The following RGS20 variants were observed in gnomAD, a reference collection of about 807,000 sequenced individuals.
RGS20 encodes the protein gz-selective GTPase-activating protein.
RGS20 carries 30 observed loss-of-function variants against 33.6 expected under a neutral mutation model. The ratio of observed to expected loss-of-function variants is 0.89; its 90% CI spans 0.67 to 1.21. RGS20 has a LOEUF of 1.21. RGS20 is among the 50% of genes most tolerant of loss of function. RGS20 has a pLI of 0.00. For missense variants in RGS20, 472 were observed against 502.4 expected, an observed-to-expected ratio of 0.94 and a Z score of 0.58; for synonymous variants, 208 against 197.9, an observed-to-expected ratio of 1.05 and a Z score of -0.43.
chr8:53,951,703 A>C, intron 4 of RGS20, among the ~76,000 whole-genome samples: 1 of 152,086 alleles, frequency 6.6e-6, no homozygotes, highest in East Asian at 1.9e-4. Flanking sequence ...ACACCAATAT[A>C]ATTCAAATAG....
chr8:53,928,464 A>C (rs1207246167), intron 2 of RGS20, among the ~76,000 whole-genome samples: 1 of 152,184 alleles, frequency 6.6e-6, no homozygotes, highest in Non-Finnish European at 1.5e-5. Flanking sequence ...AAAATGTCAA[A>C]ATTATAGTTC....
At chr8:53,922,100 A>G (rs1319056497) in intron 2 of RGS20, among the ~76,000 whole-genome samples, 1 of 151,934 alleles carries the variant, frequency 6.6e-6, no homozygotes, top group African/African-American at 2.4e-5. Flanking sequence ...AAAGCAAGGT[A>G]TTGAACTTTA....
intron 1 of RGS20, among the ~76,000 whole-genome samples, chr8:53,874,370 GT>G (rs1244190180): frequency 6.3e-5 from 5 of 78,892 alleles, no homozygotes; most frequent in African/African-American, 3.1e-4. Flanking sequence ...AATAAGGGGT[GT>G]GTGTGTGTGT....
intron 2 of RGS20, among the ~76,000 whole-genome samples, chr8:53,925,984 G>T (rs568277161): frequency 6.6e-6 from 1 of 152,138 alleles, no homozygotes; most frequent in Admixed American, 6.5e-5. Context: ...ACTTCGGAAG[G>T]CTGAGGCAGG....
At chr8:53,931,932 C>G (rs1413339568) in intron 2 of RGS20, among the ~76,000 whole-genome samples, 2 of 152,170 alleles carry the variant, frequency 1.3e-5, no homozygotes, top group Non-Finnish European at 2.9e-5. Flanking sequence ...CCTCTGATGC[C>G]TACACCACTA....
chr8:53,924,388 A>T (rs1813736723), intron 2 of RGS20, among the ~76,000 whole-genome samples: 1 of 152,016 alleles, frequency 6.6e-6, no homozygotes, highest in African/African-American at 2.4e-5. Flanking sequence ...GGGTTTCACC[A>T]TGTTGGCCAG....
chr8:53,954,493 G>A lies in RGS20; in HGVS notation c.978+183G>A, dbSNP rs542871367. On this transcript the variant is annotated intron_variant, in intron 5 of 5. Coordinates refer to ENST00000297313, the MANE Select transcript of RGS20 (RefSeq NM_170587.4). Reference sequence around the variant, plus strand: ...AGCCTGACCAACATGGTGAAACCCCGTCTCTACTAAAAATACAAAAATTAG... The same window carrying A: ...AGCCTGACCAACATGGTGAAACCCCATCTCTACTAAAAATACAAAAATTAG... 5.3e-5 allele frequency among the ~76,000 whole-genome samples: 8 copies of A among 151,536 alleles called. 1 individual carries two copies. Among genetic ancestry groups the A allele is most frequent in the African/African-American group, 1.4e-4 (6 of 41,396 alleles).
intron 2 of RGS20, among the ~76,000 whole-genome samples, chr8:53,938,740 C>T (rs544612745): frequency 1.1e-4 from 16 of 152,150 alleles, no homozygotes; most frequent in Non-Finnish European, 2.1e-4. Context: ...TAGTATCCAA[C>T]GTAAAATGGG....
At chr8:53,904,893 A>G (rs1475397699) in intron 2 of RGS20, among the ~76,000 whole-genome samples, 1 of 152,222 alleles carries the variant, frequency 6.6e-6, no homozygotes, top group Non-Finnish European at 1.5e-5. Flanking sequence ...AATACTTCCC[A>G]AAAGGCCATT....
chr8:53,885,661 G>T (rs1160392860), intron 2 of RGS20, among the ~76,000 whole-genome samples: 3 of 152,044 alleles, frequency 2.0e-5, no homozygotes, highest in Non-Finnish European at 4.4e-5. Flanking sequence ...TGAACATCTG[G>T]TCTTACAAAG....
intron 2 of RGS20, chr8:53,913,618 G>C (rs1459609003): frequency 6.6e-6 from 1 of 152,246 alleles, no homozygotes; most frequent in African/African-American, 2.4e-5. Context: ...AAAGACCCAG[G>C]CAGTCATAGA....
intron 2 of RGS20, among the ~76,000 whole-genome samples, chr8:53,919,546 A>T (rs1813587114): frequency 6.7e-6 from 1 of 149,812 alleles, no homozygotes; most frequent in African/African-American, 2.5e-5. Context: ...GGGTTTCACC[A>T]TGTTGATCAT....
At chr8:53,919,060 A>G (rs1813574033) in intron 2 of RGS20, among the ~76,000 whole-genome samples, 1 of 152,206 alleles carries the variant, frequency 6.6e-6, no homozygotes, top group Non-Finnish European at 1.5e-5. Flanking sequence ...ATTTCTTCAC[A>G]TCCTAACACT....
intron 2 of RGS20, among the ~76,000 whole-genome samples, chr8:53,925,660 G>A (rs562543729): frequency 2.2e-4 from 34 of 151,924 alleles, no homozygotes; most frequent in Admixed American, 7.9e-4. Flanking sequence ...ACTTGAATCC[G>A]GGAGGTGGAG....
intron 2 of RGS20, among the ~76,000 whole-genome samples, chr8:53,937,310 T>C (rs1651369624): frequency 6.6e-6 from 1 of 151,200 alleles, no homozygotes; most frequent in East Asian, 1.9e-4. Flanking sequence ...AATAAATAAA[T>C]AAACATAAAA....
chr8:53,882,261 C>G (rs1212959206), intron 2 of RGS20, among the ~76,000 whole-genome samples: 1 of 152,166 alleles, frequency 6.6e-6, no homozygotes, highest in Non-Finnish European at 1.5e-5. Flanking sequence ...ACCCCATCTC[C>G]CTCCACGCTT....
intron 2 of RGS20, among the ~76,000 whole-genome samples, chr8:53,918,895 T>G (rs1219281517): frequency 6.6e-6 from 1 of 152,260 alleles, no homozygotes; most frequent in African/African-American, 2.4e-5. Flanking sequence ...CAAGTTTTTG[T>G]GTGGACATGT....
At chr8:53,878,993 G>A (rs1025214585) in intron 1 of RGS20, among the ~76,000 whole-genome samples, 5 of 152,164 alleles carry the variant, frequency 3.3e-5, no homozygotes, top group Admixed American at 2.6e-4. Flanking sequence ...TTGGCTGGGT[G>A]GGGCTCAAGA....
At chr8:53,896,038 T>C (rs1812846862) in intron 2 of RGS20, among the ~76,000 whole-genome samples, 2 of 152,020 alleles carry the variant, frequency 1.3e-5, no homozygotes, top group Non-Finnish European at 2.9e-5. Flanking sequence ...CCCAGCACTT[T>C]GGGAGGCCAA....
Sources: gnomAD v4.1 joint callset for allele counts (sites outside exome capture counted in the v4.1 genomes callset) on GRCh38, gnomAD v4.1.1 for gene constraint, MANE v1.5 for transcripts, NCBI Gene and HGNC (gene_info 2026-07-23, HGNC 2026-07-21) for gene names.